SPOCK3: variants seen among roughly 807,000 people sequenced by gnomAD.
SPOCK3 encodes SPARC (osteonectin), cwcv and kazal like domains proteoglycan 3, also known as testican-3.
A neutral mutation model predicts 56.6 loss-of-function variants in SPOCK3; 30 were observed. That is an observed-to-expected ratio of 0.53 (90% CI 0.40 to 0.72). SPOCK3 has a LOEUF of 0.72. SPOCK3 is among the 30% of genes least tolerant of loss of function. The probability of loss-of-function intolerance (pLI) is 0.00; values close to 1 mark genes in which losing one functional copy is unlikely to be tolerated. For missense variants in SPOCK3, 527 were observed against 530.0 expected, an observed-to-expected ratio of 0.99 and a Z score of 0.06; for synonymous variants, 196 against 183.3, an observed-to-expected ratio of 1.07 and a Z score of -0.56.
chr4:166,959,536 C>T (rs966196065), intron 4 of SPOCK3, among the ~76,000 whole-genome samples: 12 of 151,630 alleles, frequency 7.9e-5, no homozygotes, highest in Admixed American at 5.9e-4. Context: ...TTGTTGAACC[C>T]AGGAGGTGGA....
chr4:167,105,463 T>TAAAAAAAAAAAAAAAAAAAAATA (rs552028589), intron 2 of SPOCK3, among the ~76,000 whole-genome samples: 1 of 98,692 alleles, frequency 1.0e-5, no homozygotes, highest in African/African-American at 4.2e-5. Flanking sequence ...ACACAAAAAT[T>TAAAAAAAAAAAAAAAAAAAAATA]AAAAAAAAAA....
At chr4:167,220,662 C>T (rs1375652731) in intron 2 of SPOCK3, among the ~76,000 whole-genome samples, 1 of 151,826 alleles carries the variant, frequency 6.6e-6, no homozygotes, top group Non-Finnish European at 1.5e-5. Flanking sequence ...CTGGAATTAA[C>T]AGGCGTGAGC....
chr4:167,043,871 A>G (rs542806171), intron 3 of SPOCK3, among the ~76,000 whole-genome samples: 13 of 152,054 alleles, frequency 8.5e-5, no homozygotes, highest in African/African-American at 2.2e-4. Context: ...CACCCATGTT[A>G]TGAGAGATCC....
chr4:166,832,065 C>T (rs1235261407), intron 6 of SPOCK3, among the ~76,000 whole-genome samples: 1 of 151,984 alleles, frequency 6.6e-6, no homozygotes. Flanking sequence ...GTGTCTTTTG[C>T]TGTGCAGAAG....
intron 6 of SPOCK3, among the ~76,000 whole-genome samples, chr4:166,805,374 A>C (rs565929410): frequency 6.6e-6 from 1 of 152,170 alleles, no homozygotes; most frequent in South Asian, 2.1e-4. Flanking sequence ...CAAACATTGC[A>C]TTCTAGTGGG....
At chr4:166,946,793 G>A (rs933078525) in intron 4 of SPOCK3, among the ~76,000 whole-genome samples, 4 of 152,174 alleles carry the variant, frequency 2.6e-5, no homozygotes, top group African/African-American at 9.7e-5. Flanking sequence ...GCATGGGCAG[G>A]AATGGTGTCT....
chr4:166,822,351 T>C (rs1745022685), intron 6 of SPOCK3, among the ~76,000 whole-genome samples: 1 of 152,026 alleles, frequency 6.6e-6, no homozygotes. Context: ...TCACACAGAG[T>C]CATTATGGGA....
At position 166,893,057 on chromosome 4, in the gene SPOCK3, T is replaced by C. The variant is rs931872058; in HGVS notation, c.475-3813A>G. On this transcript the variant is annotated intron_variant, in intron 5 of 10. Coordinates refer to ENST00000357545, the MANE Select transcript of SPOCK3 (RefSeq NM_001040159.2). ...AATTGACATTTGAGACAATTTTGTTTGTCACAACTGGAGGCAGAAGGGAGA... is the reference window on the plus strand; with the variant it reads ...AATTGACATTTGAGACAATTTTGTTCGTCACAACTGGAGGCAGAAGGGAGA... 2.6e-5 allele frequency among the ~76,000 whole-genome samples: 4 copies of C among 152,066 alleles called. No individual in the cohort carries two copies. In the East Asian group the frequency reaches 5.8e-4, roughly 22 times the overall value.
chr4:167,000,929 C>G (rs183731301), intron 3 of SPOCK3, among the ~76,000 whole-genome samples: 183 of 152,178 alleles, frequency 1.2e-3, no homozygotes, highest in South Asian at 3.7e-3. Context: ...CTTTGGCTAT[C>G]CAAAAATAGT....
At chr4:167,187,998 T>C (rs1184962457) in intron 2 of SPOCK3, among the ~76,000 whole-genome samples, 3 of 151,658 alleles carry the variant, frequency 2.0e-5, no homozygotes, top group Non-Finnish European at 2.9e-5. Context: ...AGATGAGTGA[T>C]AGGAATACTG....
Position 167,018,257 on chromosome 4 carries a change from T to A in SPOCK3, c.236-17794A>T, listed in dbSNP as rs563865709. 8.5e-5 allele frequency among the ~76,000 whole-genome samples: 13 copies of A among 152,256 alleles called. No individual in the cohort carries two copies. In the South Asian group the frequency reaches 2.7e-3, roughly 32 times the overall value. ...ACCTACTATTTCTCCTTGCACCTAATATTTCCTTTTCTCACATAAAATCTC... is the reference window on the plus strand; with the variant it reads ...ACCTACTATTTCTCCTTGCACCTAAAATTTCCTTTTCTCACATAAAATCTC... On this transcript the variant is annotated intron_variant, in intron 3 of 10. Transcript: ENST00000357545.
At chr4:166,829,916 T>C (rs1560903363) in intron 6 of SPOCK3, among the ~76,000 whole-genome samples, 1 of 152,172 alleles carries the variant, frequency 6.6e-6, no homozygotes, top group Non-Finnish European at 1.5e-5. Flanking sequence ...CTTGACACTG[T>C]GGTGGAATTG....
rs56208637 is a variant in SPOCK3 at position 166,927,688 on chromosome 4, C to T, written c.351-14945G>A. Among the ~76,000 whole-genome samples, 1,464 of 151,870 alleles carry T rather than the reference C, an allele frequency of 9.6e-3. 18 individuals carry two copies. Among genetic ancestry groups the T allele is most frequent in the South Asian group, 0.038 (181 of 4,802 alleles). On this transcript the variant is annotated intron_variant, in intron 4 of 10. Transcript: ENST00000357545. ...TTTTGGAAAGTTTTTTTAGATACAA[C>T]GCAAGAGGTATGATCCATGAAAGAA...
chr4:167,130,407 A>G (rs1681403165), intron 2 of SPOCK3, among the ~76,000 whole-genome samples: 1 of 152,182 alleles, frequency 6.6e-6, no homozygotes, highest in Non-Finnish European at 1.5e-5. Flanking sequence ...TAATATATGG[A>G]ATATAAGAAT....
chr4:167,064,413 T>G (rs1221482399), intron 2 of SPOCK3, among the ~76,000 whole-genome samples: 1 of 151,902 alleles, frequency 6.6e-6, no homozygotes, highest in African/African-American at 2.4e-5. Flanking sequence ...AAAATATTTT[T>G]AAATACAATT....
chr4:166,952,212 G>A (rs1279790289), intron 4 of SPOCK3, among the ~76,000 whole-genome samples: 2 of 152,164 alleles, frequency 1.3e-5, no homozygotes, highest in African/African-American at 4.8e-5. Flanking sequence ...ATCTCCTTAA[G>A]CTGATAAGCA....
At chr4:167,135,382 T>G (rs1763027131) in intron 2 of SPOCK3, among the ~76,000 whole-genome samples, 1 of 152,262 alleles carries the variant, frequency 6.6e-6, no homozygotes. Context: ...TTCCCAGTCT[T>G]ACCATTTTTA....
chr4:166,786,648 T>C (rs187538007), intron 7 of SPOCK3, among the ~76,000 whole-genome samples: 11 of 152,320 alleles, frequency 7.2e-5, no homozygotes, highest in Non-Finnish European at 1.0e-4. Flanking sequence ...ATATAACAAG[T>C]AGTCAATTCT....
intron 2 of SPOCK3, among the ~76,000 whole-genome samples, chr4:167,170,829 G>T (rs1227929206): frequency 6.6e-6 from 1 of 152,168 alleles, no homozygotes; most frequent in Non-Finnish European, 1.5e-5. Context: ...GTGGAGAAGA[G>T]TCAGAGTTCA....
Sources: gnomAD v4.1 joint callset for allele counts (sites outside exome capture counted in the v4.1 genomes callset) on GRCh38, gnomAD v4.1.1 for gene constraint, MANE v1.5 for transcripts, NCBI Gene and HGNC (gene_info 2026-07-23, HGNC 2026-07-21) for gene names.